The following RNF11 variants were observed in gnomAD, a reference collection of about 807,000 sequenced individuals.
RNF11 encodes the protein ring finger protein 11.
In RNF11, 4 loss-of-function variants were observed where a neutral mutation model predicts 15.8. The ratio of observed to expected loss-of-function variants is 0.25; its 90% CI spans 0.12 to 0.58. RNF11 has a LOEUF of 0.58. RNF11 is among the 20% of genes least tolerant of loss of function. RNF11 has a pLI of 0.91. For synonymous variants in RNF11, 68 were observed against 72.3 expected (o/e 0.94, Z 0.30); for missense variants, 139 against 194.4 (o/e 0.71, Z 1.70).
At chr1:51,252,836 T>TGTGTGTGTGTGTGTGTG (rs1646886118) in intron 1 of RNF11, among the ~76,000 whole-genome samples, 1 of 151,420 alleles carries the variant, frequency 6.6e-6, no homozygotes, top group Non-Finnish European at 1.5e-5. Context: ...TGTGTGTGTG[T>TGTGTGTGTGTGTGTGTG]TTGGGGGGGA....
At chr1:51,249,392 A>C (rs945677877) in intron 1 of RNF11, among the ~76,000 whole-genome samples, 1 of 152,124 alleles carries the variant, frequency 6.6e-6, no homozygotes, top group African/African-American at 2.4e-5. Context: ...CACTGCACCC[A>C]GCAGGTTTCT....
At chr1:51,248,142 C>T (rs1646861131) in intron 1 of RNF11, among the ~76,000 whole-genome samples, 1 of 125,514 alleles carries the variant, frequency 8.0e-6, no homozygotes, top group Non-Finnish European at 1.6e-5. Context: ...GCTCTTGTTG[C>T]TCAGGTTGGA....
intron 1 of RNF11, chr1:51,250,584 C>T: frequency 2.8e-5 from 17 of 606,274 alleles, no homozygotes; most frequent in South Asian, 6.9e-5. Flanking sequence ...CTTTATTTTC[C>T]TTGTCTAAAA....
chr1:51,242,088 T>C (rs1032900905), intron 1 of RNF11, among the ~76,000 whole-genome samples: 15 of 152,206 alleles, frequency 9.9e-5, no homozygotes, highest in East Asian at 1.9e-4. Flanking sequence ...TTTTGATTGA[T>C]ACATTTGAAA....
intron 1 of RNF11, among the ~76,000 whole-genome samples, chr1:51,248,096 CTTTTT>C (rs1157196813): frequency 3.3e-5 from 3 of 91,688 alleles, no homozygotes; most frequent in African/African-American, 7.6e-5. Context: ...CTAGTTTCTT[CTTTTT>C]TTTTTTTTTT....
At chr1:51,262,661 G>A (rs769633457) in intron 1 of RNF11, among the ~76,000 whole-genome samples, 1 of 150,068 alleles carries the variant, frequency 6.7e-6, no homozygotes, top group Non-Finnish European at 1.5e-5. Flanking sequence ...GTTCTTGTGC[G>A]TCAGCCTCCC....
chr1:51,247,446 G>GT (rs1257650175), intron 1 of RNF11, among the ~76,000 whole-genome samples: 2 of 144,412 alleles, frequency 1.4e-5, no homozygotes, highest in African/African-American at 5.5e-5. Flanking sequence ...GTGGTTTTTT[G>GT]TTTTTTTGTT....
At chr1:51,246,438 G>C (rs1485672686) in intron 1 of RNF11, among the ~76,000 whole-genome samples, 1 of 152,136 alleles carries the variant, frequency 6.6e-6, no homozygotes, top group Admixed American at 6.5e-5. Flanking sequence ...AGTCAGGTGT[G>C]TTGGCACATG....
chr1:51,271,373 A>T lies in RNF11; in HGVS notation c.*51A>T, dbSNP rs2148075899. The T allele has an allele frequency of 6.8e-7, 1 of 1,470,952 alleles. No homozygotes were observed. The highest frequency in any genetic ancestry group is 9.3e-7 in the Non-Finnish European group (1 of 1,078,128). 91.1% of individuals were successfully genotyped at this position (1,470,952 alleles called of 1,614,324 possible). On this transcript the variant is annotated 3_prime_UTR_variant, in exon 3 of 3. Coordinates refer to ENST00000242719, the MANE Select transcript of RNF11 (RefSeq NM_014372.5). ...GTGAACCACCATTTTGGTGGTTTTG[A>T]TCTTTTGTCACTGAGCCCAAAGAGC...
intron 1 of RNF11, among the ~76,000 whole-genome samples, chr1:51,251,724 A>C (rs939602439): frequency 2.6e-5 from 4 of 151,854 alleles, no homozygotes; most frequent in Non-Finnish European, 5.9e-5. Flanking sequence ...GATCACTTGA[A>C]CTCAGGATTT....
At chr1:51,255,599 AT>A (rs1462203273) in intron 1 of RNF11, among the ~76,000 whole-genome samples, 2 of 152,216 alleles carry the variant, frequency 1.3e-5, no homozygotes, top group African/African-American at 4.8e-5. Context: ...CACAAAAGTG[AT>A]TAATCCTGAT....
At chr1:51,260,172 T>G (rs924365541) in intron 1 of RNF11, among the ~76,000 whole-genome samples, 10 of 152,164 alleles carry the variant, frequency 6.6e-5, no homozygotes, top group African/African-American at 2.4e-4. Flanking sequence ...AACATTTCAG[T>G]TTTTTGGTAT....
intron 1 of RNF11, among the ~76,000 whole-genome samples, chr1:51,244,379 GTT>G (rs1043027281): frequency 6.9e-6 from 1 of 145,940 alleles, no homozygotes; most frequent in African/African-American, 2.5e-5. Flanking sequence ...TTTTGAATTT[GTT>G]TTTTTTTTTG....
intron 1 of RNF11, 85 bp downstream of exon 1, chr1:51,236,964 G>A (rs1196175865): frequency 2.7e-6 from 4 of 1,493,136 alleles, no homozygotes; most frequent in Non-Finnish European, 3.6e-6. Flanking sequence ...TCTGCCCCTG[G>A]CTTCGGCAAG....
chr1:51,250,574 C>T (rs1265845361), intron 1 of RNF11: 2 of 603,220 alleles, frequency 3.3e-6, no homozygotes, highest in East Asian at 5.4e-5. Context: ...GCTTAATTCG[C>T]TTTATTTTCC....
intron 1 of RNF11, among the ~76,000 whole-genome samples, chr1:51,257,853 C>CTTTTCTTTTT: frequency 1.1e-5 from 1 of 91,244 alleles, no homozygotes; most frequent in African/African-American, 4.8e-5. Flanking sequence ...CTTTTCTTTT[C>CTTTTCTTTTT]TTTTTTTTTT....
At chr1:51,264,317 T>TATATAC (rs376694497) in intron 1 of RNF11, among the ~76,000 whole-genome samples, 142 of 75,400 alleles carry the variant, frequency 1.9e-3, no homozygotes, top group Admixed American at 2.4e-3. Context: ...TATATATATA[T>TATATAC]ACACACACAC....
intron 1 of RNF11, among the ~76,000 whole-genome samples, chr1:51,250,051 G>A (rs188465645): frequency 6.6e-6 from 1 of 152,262 alleles, no homozygotes; most frequent in East Asian, 1.9e-4. Context: ...TTTTCCAAGT[G>A]GTTGCACTAA....
In RNF11 at chr1:51,236,588, G is replaced by A; in HGVS notation, c.-169G>A. On this transcript the variant is annotated 5_prime_UTR_variant, in exon 1 of 3. Transcript: ENST00000242719. ...CAGCCTTGATCCCCCAACCCCGGGG[G>A]CTGGCATGAGCGGCCCCTCGGCGGC... 1.5e-6 allele frequency: 1 copy of A among 671,192 alleles called. No homozygotes were observed. Among genetic ancestry groups the A allele is most frequent in the Non-Finnish European group, 2.3e-6 (1 of 440,878 alleles). The allele number at this position is 671,192 out of a possible 1,614,324, so 41.6% of individuals were successfully genotyped here.
Sources: gnomAD v4.1 joint callset for allele counts (sites outside exome capture counted in the v4.1 genomes callset) on GRCh38, gnomAD v4.1.1 for gene constraint, MANE v1.5 for transcripts, NCBI Gene and HGNC (gene_info 2026-07-23, HGNC 2026-07-21) for gene names.